The following ADGRL4 variants were observed in gnomAD, a reference collection of about 807,000 sequenced individuals.
ADGRL4 encodes the protein adhesion G protein-coupled receptor L4, also known as EGF, latrophilin and seven transmembrane domain containing 1.
Under a neutral mutation model 74.8 loss-of-function variants are expected in ADGRL4, and 90 were observed. The observed-to-expected ratio is 1.20, with a 90% CI of 1.02 to 1.43. The LOEUF is 1.43. Among genes scored for constraint, ADGRL4 ranks in the 40% most tolerant of loss-of-function variants. ADGRL4 has a pLI of 0.00. For synonymous variants in ADGRL4, 311 were observed against 279.2 expected (o/e 1.11, Z -1.14); for missense variants, 881 against 814.3 (o/e 1.08, Z -1.00).
At chr1:78,941,473 T>C (rs1195602357) in intron 3 of ADGRL4, among the ~76,000 whole-genome samples, 2 of 152,218 alleles carry the variant, frequency 1.3e-5, no homozygotes, top group Admixed American at 6.5e-5. Flanking sequence ...AAAACTACTA[T>C]GTTCTTTGAA....
At chr1:78,974,096 T>A (rs1170402337) in intron 2 of ADGRL4, among the ~76,000 whole-genome samples, 1 of 152,168 alleles carries the variant, frequency 6.6e-6, no homozygotes, top group East Asian at 1.9e-4. Context: ...CACTCTGTCA[T>A]GTTGTCTTCC....
At chr1:78,967,880 C>T (rs1030977878) in intron 2 of ADGRL4, among the ~76,000 whole-genome samples, 3 of 151,876 alleles carry the variant, frequency 2.0e-5, no homozygotes, top group Admixed American at 6.6e-5. Context: ...TTCATAACAT[C>T]AAGTGTTTTA....
At chr1:78,963,954 A>G (rs1423464808) in intron 2 of ADGRL4, among the ~76,000 whole-genome samples, 1 of 152,186 alleles carries the variant, frequency 6.6e-6, no homozygotes, top group Non-Finnish European at 1.5e-5. Context: ...TTCTACAATA[A>G]TTGCCTAAAG....
At chr1:78,944,179 A>C (rs145305650) in intron 3 of ADGRL4, among the ~76,000 whole-genome samples, 20 of 152,328 alleles carry the variant, frequency 1.3e-4, no homozygotes, top group Admixed American at 1.2e-3. Flanking sequence ...GAGGGTTATT[A>C]AAAGTAAACA....
rs2100677511 is a variant in ADGRL4, at chr1:78,926,946, G to T, written c.1023C>A (p.Ser341Arg). The T allele has an allele frequency of 6.2e-7, 1 of 1,612,152 alleles. No homozygotes were observed. Among genetic ancestry groups the T allele is most frequent in the South Asian group, 1.1e-5 (1 of 91,034 alleles). Residue 341 changes from serine (S) to arginine (R), a missense_variant, in exon 8 of 15, where the codon AGC becomes AGA. Ser to Arg is a moderately radical substitution (Grantham distance 110). Transcript: ENST00000370742. ...VISSVISVSM[S>R]SNPPTLYELE... is the part of the protein sequence containing the mutation. Reference sequence around the variant, plus strand: ...GTTCATATAATGTGGGTGGGTTTGAGCTCATTGAGACTGAAATTACTGAAG... The same window carrying T: ...GTTCATATAATGTGGGTGGGTTTGATCTCATTGAGACTGAAATTACTGAAG...
rs1463765680 is a variant in ADGRL4 at position 78,927,001 on chromosome 1, T to C, written c.968A>G (p.Asp323Gly). The change falls in exon 8 of 15, where the codon GAT becomes GGT. Residue 323 changes from aspartate (D) to glycine (G), a missense_variant. Asp to Gly is a moderately conservative substitution (Grantham distance 94). Coordinates refer to ENST00000370742, the MANE Select transcript of ADGRL4 (RefSeq NM_022159.4). Reference sequence around the variant, plus strand: ...GACTCTTTCCTCCTCTTCAGAATTATCATAATTTTGAGGTTTCAATAAGAA... The same window carrying C: ...GACTCTTTCCTCCTCTTCAGAATTACCATAATTTTGAGGTTTCAATAAGAA... ...DNFLLKPQNY[D>G]NSEEEERVIS... 4 of 1,611,608 alleles carry C rather than the reference T, an allele frequency of 2.5e-6. No individual in the cohort carries two copies. The highest frequency in any genetic ancestry group is 8.5e-7 in the Non-Finnish European group (1 of 1,178,372).
At chr1:78,976,580 T>G (rs1484040371) in intron 2 of ADGRL4, among the ~76,000 whole-genome samples, 3 of 151,750 alleles carry the variant, frequency 2.0e-5, no homozygotes, top group Non-Finnish European at 4.4e-5. Context: ...GATTACATGT[T>G]AAATAATTAT....
chr1:78,966,893 A>T (rs1650068326), intron 2 of ADGRL4, among the ~76,000 whole-genome samples: 1 of 141,190 alleles, frequency 7.1e-6, no homozygotes. Flanking sequence ...CATTTAGAAG[A>T]CATTTTACTA....
intron 2 of ADGRL4, among the ~76,000 whole-genome samples, chr1:78,954,719 A>G (rs893029921): frequency 2.6e-5 from 4 of 152,180 alleles, no homozygotes; most frequent in African/African-American, 9.6e-5. Context: ...TATATCACTA[A>G]AAGTTCAGTT....
At chr1:78,952,040 T>C (rs1252039271) in intron 2 of ADGRL4, among the ~76,000 whole-genome samples, 1 of 151,944 alleles carries the variant, frequency 6.6e-6, no homozygotes, top group Non-Finnish European at 1.5e-5. Context: ...TTTTAGTTTA[T>C]ATTTCATTTT....
intron 2 of ADGRL4, among the ~76,000 whole-genome samples, chr1:78,946,866 C>T (rs1193657144): frequency 6.6e-6 from 1 of 152,150 alleles, no homozygotes; most frequent in Non-Finnish European, 1.5e-5. Context: ...CACTGTTCCA[C>T]AGAAAAAATT....
chr1:78,937,814 C>A lies in ADGRL4; in HGVS notation c.753G>T (p.Thr251=). 6.2e-7 allele frequency: 1 copy of A among 1,605,246 alleles called. No individual in the cohort carries two copies. The highest frequency in any genetic ancestry group is 8.5e-7 in the Non-Finnish European group (1 of 1,177,730). The change falls in exon 6 of 15, where the codon ACG becomes ACT. Residue 251 remains threonine, a synonymous_variant. Transcript: ENST00000370742. ...QKTTEFDTNS[T]DIALKVFFFD... is the part of the protein sequence containing the mutation. ...TGGACCCTTGTTTCTTACCTATATC[C>A]GTTGAATTTGTATCAAACTCTGTGG...
intron 2 of ADGRL4, among the ~76,000 whole-genome samples, chr1:78,982,305 A>C (rs1650411376): frequency 1.3e-5 from 2 of 151,902 alleles, no homozygotes. Flanking sequence ...TATTCAAGGC[A>C]CAGATGGGGA....
At chr1:78,917,744 G>A (rs763200985) in intron 11 of ADGRL4, 44 bp from the exon 12 acceptor site, 1 of 1,570,394 alleles carries the variant, frequency 6.4e-7, no homozygotes, top group Non-Finnish European at 8.7e-7. Flanking sequence ...ATGTTTGCAT[G>A]TATGTTAACA....
chr1:78,996,910 A>G (rs905236948), intron 2 of ADGRL4, among the ~76,000 whole-genome samples: 1 of 152,230 alleles, frequency 6.6e-6, no homozygotes, highest in Non-Finnish European at 1.5e-5. Flanking sequence ...CACACAACAC[A>G]GGGAAGAGAT....
chr1:78,941,811 G>A (rs1649488245), intron 3 of ADGRL4, among the ~76,000 whole-genome samples: 1 of 152,128 alleles, frequency 6.6e-6, no homozygotes, highest in Non-Finnish European at 1.5e-5. Flanking sequence ...TTTCCTGCAG[G>A]AAAAGTCTCC....
intron 7 of ADGRL4, 141 bp from the exon 8 acceptor site, chr1:78,927,232 A>G: frequency 1.6e-6 from 1 of 616,632 alleles, no homozygotes; most frequent in South Asian, 2.0e-5. Flanking sequence ...AATATAGACC[A>G]CAATAAGCCT....
At chr1:78,898,565 A>G (rs1648448683) in intron 12 of ADGRL4, among the ~76,000 whole-genome samples, 1 of 150,738 alleles carries the variant, frequency 6.6e-6, no homozygotes, top group African/African-American at 2.4e-5. Context: ...TGATACTTTG[A>G]TAGAAATAAA....
At chr1:78,896,565 C>T (rs922960809) in intron 12 of ADGRL4, among the ~76,000 whole-genome samples, 1 of 152,040 alleles carries the variant, frequency 6.6e-6, no homozygotes, top group Non-Finnish European at 1.5e-5. Context: ...CAGAATATGA[C>T]CACTAACTAC....
Sources: gnomAD v4.1 joint callset for allele counts (sites outside exome capture counted in the v4.1 genomes callset) on GRCh38, gnomAD v4.1.1 for gene constraint, MANE v1.5 for transcripts, NCBI Gene and HGNC (gene_info 2026-07-23, HGNC 2026-07-21) for gene names.